FBXL7: variants seen among roughly 807,000 people sequenced by gnomAD.
FBXL7 encodes the protein F-box and leucine rich repeat protein 7, also known as F-box/LRR-repeat protein 7.
A neutral mutation model predicts 38.3 loss-of-function variants in FBXL7; 12 were observed. The observed-to-expected ratio is 0.31, with a 90% CI of 0.20 to 0.51. The LOEUF is 0.51. Ranked by LOEUF, FBXL7 falls within the 20% of genes least tolerant of loss-of-function variation. FBXL7 has a pLI of 0.98. For synonymous variants in FBXL7, 297 were observed against 300.9 expected (o/e 0.99, Z 0.13); for missense variants, 567 against 676.4 (o/e 0.84, Z 1.79).
At chr5:15,680,129 A>G (rs1742796166) in intron 2 of FBXL7, among the ~76,000 whole-genome samples, 4 of 152,136 alleles carry the variant, frequency 2.6e-5, no homozygotes, top group Admixed American at 2.6e-4. Flanking sequence ...AATCATTAAA[A>G]CCACTGAAGG....
At position 15,571,613 on chromosome 5, in the gene FBXL7, A is replaced by T. The variant is rs184558954; in HGVS notation, c.38-44370A>T. 4.6e-5 allele frequency among the ~76,000 whole-genome samples: 7 copies of T among 152,320 alleles called. No individual in the cohort carries two copies. In the East Asian group the frequency reaches 1.3e-3, roughly 29 times the overall value. On this transcript the variant is annotated intron_variant, in intron 1 of 3. Transcript: ENST00000504595. The stretch of plus-strand genomic sequence containing the variant: ...TGAATTTAAATCACTGTTTAAATTC[A>T]TATGAGTTGGTAGCCTGGCATTGTT...
At chr5:15,845,559 C>T (rs1472831732) in intron 2 of FBXL7, among the ~76,000 whole-genome samples, 1 of 151,740 alleles carries the variant, frequency 6.6e-6, no homozygotes, top group African/African-American at 2.4e-5. Flanking sequence ...TGATAATATT[C>T]AAATAATTAA....
At position 15,500,568 on chromosome 5, in the gene FBXL7, G is replaced by A. The variant is rs1340491764; in HGVS notation, c.-109G>A. Reference sequence around the variant, plus strand: ...GAGGTCGGCCCCGGAGCTTGGGGGGGATGTGCAGCTAACGGTCCCGTCGGG... The same window carrying A: ...GAGGTCGGCCCCGGAGCTTGGGGGGAATGTGCAGCTAACGGTCCCGTCGGG... On this transcript the variant is annotated 5_prime_UTR_variant, in exon 1 of 4. Coordinates refer to ENST00000504595, the MANE Select transcript of FBXL7 (RefSeq NM_012304.5). 138 of 1,468,074 alleles carry A rather than the reference G, an allele frequency of 9.4e-5. 2 individuals are homozygous for A. In the East Asian group the frequency reaches 2.5e-3, roughly 27 times the overall value. The allele number at this position is 1,468,074 out of a possible 1,614,324, so 90.9% of individuals were successfully genotyped here. A position where few individuals can be genotyped will look rare whatever the true frequency, so the allele number is the denominator to read the frequency against.
At position 15,870,523 on chromosome 5, in the gene FBXL7, G is replaced by A. The variant is rs557432693; in HGVS notation, c.128-57367G>A. On this transcript the variant is annotated intron_variant, in intron 2 of 3. Transcript: ENST00000504595. ...GAAAAGATTAAGGGTTTTTTGGAGT[G>A]TCAGTTAGGGTAGAGGGAAATTTAG... 3.3e-5 allele frequency among the ~76,000 whole-genome samples: 5 copies of A among 152,240 alleles called. No homozygotes were observed. The South Asian group carries it at 8.3e-4, about 25-fold the overall frequency.
At chr5:15,508,870 C>T (rs1046132450) in intron 1 of FBXL7, among the ~76,000 whole-genome samples, 3 of 151,996 alleles carry the variant, frequency 2.0e-5, no homozygotes, top group African/African-American at 7.3e-5. Flanking sequence ...TATTTCTTTG[C>T]CTTTGGTGGG....
chr5:15,747,332 T>C (rs1049232370), intron 2 of FBXL7, among the ~76,000 whole-genome samples: 3 of 152,202 alleles, frequency 2.0e-5, no homozygotes, highest in Admixed American at 6.5e-5. Context: ...GCTTTGTTTA[T>C]GCATGGCCTA....
intron 2 of FBXL7, among the ~76,000 whole-genome samples, chr5:15,740,984 G>C (rs756698686): frequency 2.0e-5 from 3 of 152,128 alleles, no homozygotes; most frequent in Non-Finnish European, 4.4e-5. Flanking sequence ...TTTCCTAAGA[G>C]AAATAAAGTC....
At chr5:15,706,603 A>G (rs2126638090) in intron 2 of FBXL7, among the ~76,000 whole-genome samples, 1 of 152,338 alleles carries the variant, frequency 6.6e-6, no homozygotes, top group African/African-American at 2.4e-5. Flanking sequence ...GGAATGACGG[A>G]GAACTTAACT....
intron 2 of FBXL7, among the ~76,000 whole-genome samples, chr5:15,645,836 T>C (rs776117898): frequency 2.9e-4 from 44 of 152,240 alleles, no homozygotes; most frequent in Non-Finnish European, 5.3e-4. Flanking sequence ...ACAAAATGAC[T>C]TGGCTGTGTT....
rs367747016 is a variant in FBXL7 at position 15,822,237 on chromosome 5, C to T, written c.128-105653C>T. On this transcript the variant is annotated intron_variant, in intron 2 of 3. Coordinates refer to ENST00000504595, the MANE Select transcript of FBXL7 (RefSeq NM_012304.5). ...ATAGGCTGGGTTTGGTGGCACGTGC[C>T]TATAGTCCCAGCTACACAGGAGGCT... 9.2e-5 allele frequency among the ~76,000 whole-genome samples: 14 copies of T among 151,718 alleles called. No individual in the cohort carries two copies. The East Asian group carries it at 1.9e-3, about 21-fold the overall frequency.
intron 1 of FBXL7, among the ~76,000 whole-genome samples, chr5:15,576,228 A>C (rs1322405033): frequency 6.6e-6 from 1 of 151,968 alleles, no homozygotes; most frequent in African/African-American, 2.4e-5. Flanking sequence ...GATTACAGGC[A>C]TGAGCCACCA....
At chr5:15,534,973 T>A (rs1737537315) in intron 1 of FBXL7, among the ~76,000 whole-genome samples, 1 of 152,210 alleles carries the variant, frequency 6.6e-6, no homozygotes, top group African/African-American at 2.4e-5. Flanking sequence ...TGAAGGTAGT[T>A]TCACTCATGC....
chr5:15,841,082 T>A (rs2126783634), intron 2 of FBXL7, among the ~76,000 whole-genome samples: 1 of 152,208 alleles, frequency 6.6e-6, no homozygotes, highest in East Asian at 1.9e-4. Flanking sequence ...ACCCTTGAAA[T>A]TTTTTTGTGT....
intron 2 of FBXL7, among the ~76,000 whole-genome samples, chr5:15,895,633 CTTTTTTT>C (rs903652361): frequency 5.1e-5 from 5 of 98,076 alleles, no homozygotes; most frequent in East Asian, 6.4e-4. Flanking sequence ...CTTTTTCATA[CTTTTTTT>C]TTTTTTTTTT....
At chr5:15,935,728 C>T (rs1261233441) in intron 3 of FBXL7, among the ~76,000 whole-genome samples, 1 of 152,210 alleles carries the variant, frequency 6.6e-6, no homozygotes, top group African/African-American at 2.4e-5. Context: ...GTTCAATTGA[C>T]AGAAGGTCAC....
intron 2 of FBXL7, among the ~76,000 whole-genome samples, chr5:15,690,283 C>T (rs564250480): frequency 6.6e-6 from 1 of 152,282 alleles, no homozygotes; most frequent in East Asian, 1.9e-4. Flanking sequence ...AAATAATCCC[C>T]AGCTAGGAAA....
Position 15,500,464 on chromosome 5 carries a change from C to T in FBXL7, c.-213C>T. ...TTGTAAGTGCTGCAGCTGTGCCCGG[C>T]CCCGCCTGGAGCCACCGGGGGTGCC... is the stretch of plus-strand genomic sequence containing the variant. On this transcript the variant is annotated 5_prime_UTR_variant, in exon 1 of 4. Coordinates refer to ENST00000504595, the MANE Select transcript of FBXL7 (RefSeq NM_012304.5). The T allele has an allele frequency of 1.6e-6, 1 of 624,672 alleles. No homozygotes were observed. Among genetic ancestry groups the T allele is most frequent in the Non-Finnish European group, 2.8e-6 (1 of 356,520 alleles). The allele number at this position is 624,672 out of a possible 1,614,324, so 38.7% of individuals were successfully genotyped here. A position where few individuals can be genotyped will look rare whatever the true frequency, so the allele number is the denominator to read the frequency against.
intron 2 of FBXL7, among the ~76,000 whole-genome samples, chr5:15,769,877 G>A (rs2126709293): frequency 6.6e-6 from 1 of 152,268 alleles, no homozygotes; most frequent in Middle Eastern, 3.4e-3. Context: ...AGGTAAGCAG[G>A]CCGAAGGGTA....
At chr5:15,688,904 A>G (rs1743097036) in intron 2 of FBXL7, among the ~76,000 whole-genome samples, 1 of 152,216 alleles carries the variant, frequency 6.6e-6, no homozygotes, top group African/African-American at 2.4e-5. Flanking sequence ...AAAGATCACC[A>G]CACAGAGGGG....
Sources: gnomAD v4.1 joint callset for allele counts (sites outside exome capture counted in the v4.1 genomes callset) on GRCh38, gnomAD v4.1.1 for gene constraint, MANE v1.5 for transcripts, NCBI Gene and HGNC (gene_info 2026-07-23, HGNC 2026-07-21) for gene names.